HAUS4: variants seen among roughly 807,000 people sequenced by gnomAD.
HAUS4 encodes HAUS augmin like complex subunit 4, also known as HAUS augmin-like complex subunit 4.
In HAUS4, 34 loss-of-function variants were observed where a neutral mutation model predicts 50.6. That is an observed-to-expected ratio of 0.67 (90% CI 0.51 to 0.90). The LOEUF (loss-of-function observed/expected upper bound fraction) is 0.90, where lower values mean the gene tolerates loss of function less well. HAUS4 is among the 40% of genes least tolerant of loss of function. The probability of loss-of-function intolerance (pLI) is 0.00; values close to 1 mark genes in which losing one functional copy is unlikely to be tolerated. For missense variants in HAUS4, 370 were observed against 428.7 expected (o/e 0.86, Z 1.21); for synonymous variants, 149 against 161.4 (o/e 0.92, Z 0.58).
Position 22,946,568 on chromosome 14 carries a change from TTC to T in HAUS4, c.1047_1048del (p.Asn350GlnfsTer31). 1 of 1,614,048 alleles carries T rather than the reference TTC, an allele frequency of 6.2e-7. No homozygotes were observed. The highest frequency in any genetic ancestry group is 2.2e-5 in the East Asian group (1 of 44,870). Reference sequence around the variant, plus strand: ...GAACTCCTGGAGGGCCCACCGCTTGTTCTCTGTTGCCTGCTTGAGTACGGTGT... The same window carrying T: ...GAACTCCTGGAGGGCCCACCGCTTGTTCTGTTGCCTGCTTGAGTACGGTGT... On this transcript the variant is annotated frameshift_variant, in exon 10 of 10. Transcript: ENST00000541587. LOFTEE classifies it high-confidence loss of function.
intron 6 of HAUS4, among the ~76,000 whole-genome samples, chr14:22,948,460 G>GA (rs779971090): frequency 1.4e-5 from 2 of 139,622 alleles, no homozygotes; most frequent in Non-Finnish European, 3.1e-5. Context: ...AAAGCGGGGG[G>GA]GGGGAGGGCA....
At chr14:22,955,228 G>A in intron 1 of HAUS4, 52 bp from the exon 2 acceptor site, 2 of 1,081,782 alleles carry the variant, frequency 1.8e-6, no homozygotes, top group Non-Finnish European at 2.9e-6. Context: ...ACAGCTGGCT[G>A]CTCCAAGGAC....
Position 22,946,479 on chromosome 14 carries a change from GA to G in HAUS4, c.*45del, listed in dbSNP as rs772568903. 4.7e-6 allele frequency: 7 copies of G among 1,486,942 alleles called. No individual in the cohort carries two copies. The highest frequency in any genetic ancestry group is 3.5e-4 in the Middle Eastern group (2 of 5,684). 92.1% of individuals were successfully genotyped at this position (1,486,942 alleles called of 1,614,324 possible). A position where few individuals can be genotyped will look rare whatever the true frequency, so the allele number is the denominator to read the frequency against. ...GTGGTCCCACTAGCAGGAAGATTAG[GA>G]GGCAGCAGCTATGCAGAAGCCATGT... On this transcript the variant is annotated 3_prime_UTR_variant, in exon 10 of 10. Coordinates refer to ENST00000541587, the MANE Select transcript of HAUS4 (RefSeq NM_001166269.2).
Position 22,946,540 on chromosome 14 carries a change from G to A in HAUS4, c.1077C>T (p.Ser359=), listed in dbSNP as rs1477841777. 6 of 1,613,316 alleles carry A rather than the reference G, an allele frequency of 3.7e-6. No homozygotes were observed. The African/African-American group carries it at 6.7e-5, about 18-fold the overall frequency. Residue 359 remains serine, a synonymous_variant, in exon 10 of 10, where the codon AGC becomes AGT. Coordinates refer to ENST00000541587, the MANE Select transcript of HAUS4 (RefSeq NM_001166269.2). ...CTGCCAGAGCTCAACGGTAGACCTT[G>A]CTGAACTCCTGGAGGGCCCACCGCT... ...ENKRWALQEF[S]KVYR
intron 4 of HAUS4, among the ~76,000 whole-genome samples, chr14:22,951,895 A>T (rs2044759715): frequency 6.6e-6 from 1 of 152,160 alleles, no homozygotes; most frequent in Non-Finnish European, 1.5e-5. Context: ...CCATAACTAC[A>T]GTCCATTTCT....
intron 2 of HAUS4, among the ~76,000 whole-genome samples, chr14:22,953,260 C>T (rs1209143196): frequency 6.6e-6 from 1 of 151,784 alleles, no homozygotes; most frequent in Non-Finnish European, 1.5e-5. Context: ...AGCGATCCTT[C>T]CACCTCCTGA....
chr14:22,954,974 C>G, intron 2 of HAUS4, 126 bp downstream of exon 2: 1 of 747,658 alleles, frequency 1.3e-6, no homozygotes, highest in African/African-American at 1.7e-5. Context: ...ATCCACCCAC[C>G]TCAGCCTCCC....
At chr14:22,956,775 G>C (rs1277655853) in intron 1 of HAUS4, 141 bp downstream of exon 1, 2 of 153,160 alleles carry the variant, frequency 1.3e-5, no homozygotes, top group Non-Finnish European at 2.9e-5. Context: ...AATGCAGAAC[G>C]GGCTCTCCGG....
At position 22,946,467 on chromosome 14, in the gene HAUS4, C is replaced by T; in HGVS notation, c.*58G>A. The T allele has an allele frequency of 1.4e-6, 2 of 1,420,440 alleles. No homozygotes were observed. The highest frequency in any genetic ancestry group is 1.9e-6 in the Non-Finnish European group (2 of 1,034,684). 88.0% of individuals were successfully genotyped at this position (1,420,440 alleles called of 1,614,324 possible). A position where few individuals can be genotyped will look rare whatever the true frequency, so the allele number is the denominator to read the frequency against. On this transcript the variant is annotated 3_prime_UTR_variant, in exon 10 of 10. Coordinates refer to ENST00000541587, the MANE Select transcript of HAUS4 (RefSeq NM_001166269.2). ...CCCCAGGTGAAGGTGGTCCCACTAG[C>T]AGGAAGATTAGGAGGCAGCAGCTAT... is the stretch of plus-strand genomic sequence containing the variant.
intron 6 of HAUS4, among the ~76,000 whole-genome samples, chr14:22,949,808 T>C (rs2044718054): frequency 6.6e-6 from 1 of 152,028 alleles, no homozygotes; most frequent in Non-Finnish European, 1.5e-5. Flanking sequence ...ACTCAGTATC[T>C]TGCTGAATAA....
intron 2 of HAUS4, among the ~76,000 whole-genome samples, chr14:22,954,015 G>T (rs370943210): frequency 3.9e-5 from 6 of 151,984 alleles, no homozygotes; most frequent in African/African-American, 1.5e-4. Context: ...TGATCCGCCC[G>T]CCTTGGCCTC....
chr14:22,956,471 CAA>C (rs2044866109), intron 1 of HAUS4, among the ~76,000 whole-genome samples: 1 of 152,072 alleles, frequency 6.6e-6, no homozygotes, highest in Non-Finnish European at 1.5e-5. Flanking sequence ...ACCCAAATTC[CAA>C]AAAGCTAGCT....
Position 22,950,422 on chromosome 14 carries a change from GAA to G in HAUS4, c.466-14_466-13del. On this transcript the variant is annotated splice_polypyrimidine_tract_variant and intron_variant, in intron 5 of 9. Coordinates refer to ENST00000541587, the MANE Select transcript of HAUS4 (RefSeq NM_001166269.2). The stretch of plus-strand genomic sequence containing the variant: ...ATCCACACAAAATCCTACAGTCATA[GAA>G]GTAAAGGCAGAAATGCGAATAGACT... The G allele has an allele frequency of 6.5e-7, 1 of 1,547,968 alleles. No individual in the cohort carries two copies. The highest frequency in any genetic ancestry group is 8.9e-7 in the Non-Finnish European group (1 of 1,119,916).
At chr14:22,953,735 CT>C (rs2044804162) in intron 2 of HAUS4, among the ~76,000 whole-genome samples, 1 of 152,032 alleles carries the variant, frequency 6.6e-6, no homozygotes, top group African/African-American at 2.4e-5. Context: ...ATTCTCCTGC[CT>C]TAGCCTCCCA....
chr14:22,947,737 C>T lies in HAUS4; in HGVS notation c.709-6G>A. The T allele has an allele frequency of 6.2e-7, 1 of 1,613,836 alleles. No individual in the cohort carries two copies. Among genetic ancestry groups the T allele is most frequent in the Non-Finnish European group, 8.5e-7 (1 of 1,179,962 alleles). On this transcript the variant is annotated splice_polypyrimidine_tract_variant and splice_region_variant and intron_variant, in intron 7 of 9. Coordinates refer to ENST00000541587, the MANE Select transcript of HAUS4 (RefSeq NM_001166269.2). ...GTGAGGCAGCGGAGAAGCACCTGAG[C>T]CCAAGATGGAGGAAGAAGAGGGCAT...
intron 5 of HAUS4, among the ~76,000 whole-genome samples, chr14:22,951,034 C>T (rs2044742744): frequency 6.6e-6 from 1 of 152,178 alleles, no homozygotes; most frequent in South Asian, 2.1e-4. Context: ...CAGGGTCTCA[C>T]TCTGTGCCCA....
At chr14:22,951,827 G>T (rs957196526) in intron 4 of HAUS4, 138 bp from the exon 5 acceptor site, 12 of 705,636 alleles carry the variant, frequency 1.7e-5, no homozygotes, top group Non-Finnish European at 2.8e-5. Flanking sequence ...TAACTCAGCT[G>T]CGAGTGACTT....
At chr14:22,951,314 CT>C (rs1481192120) in intron 5 of HAUS4, among the ~76,000 whole-genome samples, 5 of 151,966 alleles carry the variant, frequency 3.3e-5, no homozygotes, top group African/African-American at 1.2e-4. Context: ...CTTATACTCT[CT>C]ATATAAGCAT....
chr14:22,948,164 C>A (rs993438267), intron 6 of HAUS4, 151 bp from the exon 7 acceptor site: 13 of 804,506 alleles, frequency 1.6e-5, no homozygotes, highest in Non-Finnish European at 2.5e-5. Context: ...TGGCCCCATT[C>A]TGGGCTGAGC....
Sources: allele counts gnomAD v4.1 joint callset (sites outside exome capture counted in the v4.1 genomes callset), GRCh38; gene constraint gnomAD v4.1.1; transcripts MANE v1.5; gene names NCBI Gene and HGNC (gene_info 2026-07-23, HGNC 2026-07-21).